Variants in RPS6KC1 observed in about 807,000 individuals in gnomAD.
RPS6KC1 encodes the protein ribosomal protein S6 kinase C1, also known as inactive ribosomal protein S6 kinase delta-1.
RPS6KC1 carries 54 observed loss-of-function variants against 103.8 expected under a neutral mutation model. The ratio of observed to expected loss-of-function variants is 0.52; its 90% confidence interval spans 0.42 to 0.65. The LOEUF (loss-of-function observed/expected upper bound fraction) is 0.65. Ranked by LOEUF, RPS6KC1 falls within the 30% of genes least tolerant of loss-of-function variation. RPS6KC1 has a pLI of 0.00. For missense variants in RPS6KC1, 1,151 were observed against 1,253.8 expected, an observed-to-expected ratio of 0.92 and a Z score of 1.24; for synonymous variants, 439 against 438.7, an observed-to-expected ratio of 1.00 and a Z score of -0.01.
chr1:213,839,808 T>TA, the RPS6KC1 span: 1 of 152,158 alleles, frequency 6.6e-6, no homozygotes, highest in Non-Finnish European at 1.5e-5. Context: ...CTAAATAAGA[T>TA]ATAAGAATAA....
chr1:213,621,193 T>C, the RPS6KC1 span, among the ~76,000 whole-genome samples: 3 of 152,128 alleles, frequency 2.0e-5, no homozygotes, highest in African/African-American at 7.2e-5. Context: ...CTTGAGCTAT[T>C]TAATGTTTCC....
chr1:213,731,747 C>T, the RPS6KC1 span, among the ~76,000 whole-genome samples: 2 of 151,930 alleles, frequency 1.3e-5, no homozygotes, highest in East Asian at 3.9e-4. Flanking sequence ...GATCAATACA[C>T]AAAGATGAAT....
chr1:213,566,456 T>TGGATA, the RPS6KC1 span, among the ~76,000 whole-genome samples: 2 of 29,852 alleles, frequency 6.7e-5, no homozygotes, highest in African/African-American at 2.2e-4. Flanking sequence ...TTTTTTTTTT[T>TGGATA]TTTTTTTTTT....
At chr1:213,202,928 A>G (rs1452988053) in intron 8 of RPS6KC1, among the ~76,000 whole-genome samples, 2 of 152,118 alleles carry the variant, frequency 1.3e-5, no homozygotes, top group African/African-American at 4.8e-5. Context: ...GGTTTATTTA[A>G]TTCGTTCTCT....
chr1:213,716,284 A>G, the RPS6KC1 span, among the ~76,000 whole-genome samples: 18 of 152,108 alleles, frequency 1.2e-4, no homozygotes, highest in Non-Finnish European at 2.6e-4. Context: ...GGTGCTGAGG[A>G]CCACAGCTGG....
chr1:213,588,649 T>C, the RPS6KC1 span, among the ~76,000 whole-genome samples: 5 of 152,102 alleles, frequency 3.3e-5, no homozygotes, highest in Admixed American at 2.6e-4. Context: ...CATATGAATT[T>C]TGGGGTACAT....
chr1:213,094,135 T>A (rs1340990315), intron 3 of RPS6KC1, among the ~76,000 whole-genome samples: 2 of 152,066 alleles, frequency 1.3e-5, no homozygotes, highest in African/African-American at 4.8e-5. Context: ...ATATACGTTT[T>A]TTTCCAAATT....
At chr1:213,139,771 T>C (rs1311921538) in intron 6 of RPS6KC1, among the ~76,000 whole-genome samples, 1 of 152,042 alleles carries the variant, frequency 6.6e-6, no homozygotes, top group Non-Finnish European at 1.5e-5. Context: ...TGAAGTTGGG[T>C]AGTGTGATGC....
chr1:213,275,773 G>T (rs554187140), downstream of RPS6KC1, among the ~76,000 whole-genome samples: 1 of 152,060 alleles, frequency 6.6e-6, no homozygotes, highest in Admixed American at 6.5e-5. Flanking sequence ...ACAATATGTC[G>T]TTAACTGTAG....
the RPS6KC1 span, among the ~76,000 whole-genome samples, chr1:213,749,398 G>T: frequency 7.2e-5 from 11 of 152,132 alleles, no homozygotes; most frequent in East Asian, 1.9e-4. Context: ...TATAGAACAG[G>T]GGGGAGAGGT....
At chr1:213,098,786 A>G (rs2081730845) in intron 3 of RPS6KC1, among the ~76,000 whole-genome samples, 1 of 152,238 alleles carries the variant, frequency 6.6e-6, no homozygotes. Flanking sequence ...CCAAAATGTG[A>G]CACAGAGACA....
intron 1 of RPS6KC1, among the ~76,000 whole-genome samples, chr1:213,052,075 C>T (rs1342225751): frequency 6.6e-6 from 1 of 152,088 alleles, no homozygotes; most frequent in East Asian, 1.9e-4. Flanking sequence ...CTGAGGGTGG[C>T]TTGTGTGAGC....
chr1:213,278,550 ACTT>A (rs2095116804), downstream of RPS6KC1, among the ~76,000 whole-genome samples: 5 of 152,144 alleles, frequency 3.3e-5, no homozygotes, highest in South Asian at 1.0e-3. Flanking sequence ...GACTAAGAAA[ACTT>A]CTTTAAAATT....
At chr1:213,485,757 C>T in the RPS6KC1 span, among the ~76,000 whole-genome samples, 2 of 152,140 alleles carry the variant, frequency 1.3e-5, no homozygotes, top group East Asian at 1.9e-4. Flanking sequence ...CTCTGCTAGC[C>T]GCTGGAGAAG....
the RPS6KC1 span, among the ~76,000 whole-genome samples, chr1:213,455,686 C>T: frequency 6.6e-6 from 1 of 152,120 alleles, no homozygotes; most frequent in Non-Finnish European, 1.5e-5. Flanking sequence ...ATGACAGAAC[C>T]TTGATTAATA....
At chr1:213,223,222 T>C (rs755832816) in intron 8 of RPS6KC1, among the ~76,000 whole-genome samples, 87 of 152,204 alleles carry the variant, frequency 5.7e-4, no homozygotes, top group Non-Finnish European at 6.2e-4. Context: ...TTTCTTTTCT[T>C]TTTTTCAATA....
chr1:213,384,193 G>T, the RPS6KC1 span, among the ~76,000 whole-genome samples: 5 of 152,046 alleles, frequency 3.3e-5, no homozygotes, highest in African/African-American at 1.2e-4. Flanking sequence ...GGAGAATGGC[G>T]TGAACCCAGG....
At chr1:213,456,808 G>C in the RPS6KC1 span, among the ~76,000 whole-genome samples, 5 of 152,074 alleles carry the variant, frequency 3.3e-5, no homozygotes, top group Admixed American at 3.3e-4. Flanking sequence ...ACTGAAACGT[G>C]CCTTTCCTTC....
intron 8 of RPS6KC1, chr1:213,205,117 G>A (rs2093298576): frequency 3.8e-6 from 1 of 263,466 alleles, no homozygotes; most frequent in African/African-American, 2.3e-5. Flanking sequence ...GCTCTAAGTA[G>A]AATTGTGTTG....
Sources: allele counts gnomAD v4.1 joint callset (sites outside exome capture counted in the v4.1 genomes callset), GRCh38; gene constraint gnomAD v4.1.1; transcripts MANE v1.5; gene names NCBI Gene and HGNC (gene_info 2026-07-23, HGNC 2026-07-21).